SEM1: variants seen among roughly 807,000 people sequenced by gnomAD.
The protein encoded by SEM1 is SEM1 26S proteasome subunit.
In SEM1, 3 loss-of-function variants were observed where a neutral mutation model predicts 12.7. The ratio of observed to expected loss-of-function variants is 0.24; its 90% CI spans 0.11 to 0.61. SEM1 has a LOEUF of 0.61. Among genes scored for constraint, SEM1 ranks in the 20% least tolerant of loss-of-function variants. The pLI, the probability that SEM1 is intolerant of heterozygous loss-of-function variation, is 0.88. For missense variants in SEM1, 59 were observed against 81.3 expected, an observed-to-expected ratio of 0.73 and a Z score of 1.06; for synonymous variants, 30 against 27.8, an observed-to-expected ratio of 1.08 and a Z score of -0.25.
intron 2 of SEM1, among the ~76,000 whole-genome samples, chr7:96,521,127 C>T (rs567682616): frequency 2.6e-5 from 4 of 152,182 alleles, no homozygotes; most frequent in African/African-American, 7.2e-5. Flanking sequence ...TGATTTTCTT[C>T]GAGGGGGCCT....
intron 2 of SEM1, among the ~76,000 whole-genome samples, chr7:96,636,982 A>G (rs1035536654): frequency 1.3e-5 from 2 of 152,054 alleles, no homozygotes; most frequent in African/African-American, 2.4e-5. Context: ...GTATTCTCTG[A>G]GTGGAAGGAG....
chr7:96,501,167 T>C (rs901790168), upstream of SEM1, among the ~76,000 whole-genome samples: 3 of 152,150 alleles, frequency 2.0e-5, no homozygotes, highest in African/African-American at 7.2e-5. Flanking sequence ...AGAGCTCATC[T>C]GTCCCCTCTA....
chr7:96,574,111 G>T (rs552616376), intron 2 of SEM1, among the ~76,000 whole-genome samples: 9 of 152,078 alleles, frequency 5.9e-5, no homozygotes, highest in African/African-American at 2.2e-4. Context: ...ACAGGCCCCA[G>T]TGTGTGATGT....
intron 2 of SEM1, among the ~76,000 whole-genome samples, chr7:96,573,726 A>T (rs564412489): frequency 6.6e-6 from 1 of 151,990 alleles, no homozygotes; most frequent in East Asian, 1.9e-4. Context: ...ACCTTGGTGA[A>T]TCTGATGATT....
chr7:96,605,298 G>A (rs1176384766), intron 2 of SEM1, among the ~76,000 whole-genome samples: 7 of 152,014 alleles, frequency 4.6e-5, no homozygotes, highest in South Asian at 2.1e-4. Context: ...TAAATCCAAC[G>A]AACTATGGTG....
In SEM1 at chr7:96,527,846, A is replaced by G. The variant is rs562832090; in HGVS notation, c.171-21148T>C. On this transcript the variant is annotated intron_variant and NMD_transcript_variant, in intron 2 of 3. Transcript: ENST00000466986. ...GCAAACCTCATTTGTTCTAAATTCC[A>G]CATCCCCAGATGGCATGTTCTGAGT... Among the ~76,000 whole-genome samples the G allele has an allele frequency of 1.4e-4, 21 of 152,194 alleles. No homozygotes were observed. The South Asian group carries it at 4.2e-3, about 30-fold the overall frequency.
At chr7:96,500,750 C>T (rs1803503137), upstream of SEM1, among the ~76,000 whole-genome samples, 1 of 152,154 alleles carries the variant, frequency 6.6e-6, no homozygotes, top group Non-Finnish European at 1.5e-5. Context: ...ATTATCTTTG[C>T]TGCAGCTTCT....
At chr7:96,481,647 C>T (rs1802547523) in exon 4 of SEM1, 1 of 151,946 alleles carries the variant, frequency 6.6e-6, no homozygotes, top group South Asian at 2.1e-4. Context: ...TTATTAAAGT[C>T]TTTTAAAATA....
chr7:96,583,722 T>C (rs1177680253), intron 2 of SEM1, among the ~76,000 whole-genome samples: 1 of 150,868 alleles, frequency 6.6e-6, no homozygotes, highest in Non-Finnish European at 1.5e-5. Flanking sequence ...TTTACCATTA[T>C]GTAATGGCCT....
At chr7:96,622,484 T>A (rs1402562825), downstream of SEM1, 1 of 629,180 alleles carries the variant, frequency 1.6e-6, no homozygotes, top group Admixed American at 2.6e-5. Context: ...AGTAGTAGTA[T>A]TTTCCTTTCT....
chr7:96,639,649 A>G (rs1191205196), intron 2 of SEM1, among the ~76,000 whole-genome samples: 1 of 151,946 alleles, frequency 6.6e-6, no homozygotes, highest in Non-Finnish European at 1.5e-5. Context: ...GAGTAACTCT[A>G]GATGACTTTG....
At chr7:96,608,437 T>C (rs28580846) in intron 2 of SEM1, among the ~76,000 whole-genome samples, 4,389 of 152,272 alleles carry the variant, frequency 0.029, 193 homozygotes, top group African/African-American at 0.1. Flanking sequence ...AGATAATTTA[T>C]ATACCATAAT....
chr7:96,699,816 G>C (rs970173303), intron 1 of SEM1, among the ~76,000 whole-genome samples: 3 of 152,158 alleles, frequency 2.0e-5, no homozygotes, highest in African/African-American at 7.2e-5. Flanking sequence ...TGTTGCTATG[G>C]TTTAATTGGT....
chr7:96,522,500 T>C (rs1015051429), intron 2 of SEM1, among the ~76,000 whole-genome samples: 1 of 151,664 alleles, frequency 6.6e-6, no homozygotes, highest in Non-Finnish European at 1.5e-5. Context: ...CATTGCACGA[T>C]TAGCACTCCA....
At chr7:96,652,017 A>G (rs758162770) in intron 2 of SEM1, among the ~76,000 whole-genome samples, 1 of 152,226 alleles carries the variant, frequency 6.6e-6, no homozygotes, top group South Asian at 2.1e-4. Context: ...ATTGTAATTC[A>G]TACCTCTTCC....
chr7:96,604,246 T>A (rs1260343577), intron 2 of SEM1, among the ~76,000 whole-genome samples: 1 of 152,128 alleles, frequency 6.6e-6, no homozygotes, highest in Non-Finnish European at 1.5e-5. Flanking sequence ...ATTACTTCCA[T>A]AACTATTATG....
chr7:96,511,031 A>C (rs999015961), intron 2 of SEM1, among the ~76,000 whole-genome samples: 1 of 152,086 alleles, frequency 6.6e-6, no homozygotes, highest in African/African-American at 2.4e-5. Context: ...TCTGGGTTTG[A>C]TGTAGGCTGA....
intron 2 of SEM1, among the ~76,000 whole-genome samples, chr7:96,569,302 C>A (rs1805945295): frequency 6.6e-6 from 1 of 151,842 alleles, no homozygotes; most frequent in Admixed American, 6.6e-5. Context: ...AAAGAAAAAC[C>A]GTGAAGGAGA....
chr7:96,602,125 A>G (rs1807215450), intron 2 of SEM1, among the ~76,000 whole-genome samples: 1 of 152,170 alleles, frequency 6.6e-6, no homozygotes, highest in South Asian at 2.1e-4. Flanking sequence ...GATAGTGGAT[A>G]TGCAAGTCAG....
Sources: allele counts gnomAD v4.1 joint callset (sites outside exome capture counted in the v4.1 genomes callset), GRCh38; gene constraint gnomAD v4.1.1; transcripts MANE v1.5; gene names NCBI Gene and HGNC (gene_info 2026-07-23, HGNC 2026-07-21).